Variants in RANBP2 observed in about 807,000 individuals in gnomAD.
RANBP2 encodes the protein E3 SUMO-protein ligase RanBP2.
RANBP2 carries 57 observed loss-of-function variants against 303.6 expected under a neutral mutation model. The ratio of observed to expected loss-of-function variants is 0.19; its 90% CI spans 0.15 to 0.23. The LOEUF (loss-of-function observed/expected upper bound fraction) is 0.23, where lower values mean the gene tolerates loss of function less well. RANBP2 is among the 10% of genes least tolerant of loss of function. The probability of loss-of-function intolerance (pLI) is 1.00; values close to 1 mark genes in which losing one functional copy is unlikely to be tolerated. For missense variants in RANBP2, 3,138 were observed against 3,780.8 expected, an observed-to-expected ratio of 0.83 and a Z score of 4.46; for synonymous variants, 1,167 against 1,301.5, an observed-to-expected ratio of 0.90 and a Z score of 2.23.
At chr2:109,195,031 A>G in the RANBP2 span, among the ~76,000 whole-genome samples, 6 of 152,306 alleles carry the variant, frequency 3.9e-5, no homozygotes, top group African/African-American at 1.4e-4. Context: ...GGAAATGAAA[A>G]TGGAAGGGGA....
rs540387051 is a variant in RANBP2 at position 108,749,235 on chromosome 2, T to G, written c.1273+106T>G. The G allele has an allele frequency of 2.6e-6, 4 of 1,561,442 alleles. No homozygotes were observed. The South Asian group carries it at 3.4e-5, about 13-fold the overall frequency. ...ACTTAATATTTTCCTGTATTCCTTT[T>G]GTGTGTGGGTTGGGCTGGGGGGAGT... On this transcript the variant is annotated intron_variant, in intron 9 of 28. Transcript: ENST00000283195.
At chr2:109,413,167 T>C in the RANBP2 span, among the ~76,000 whole-genome samples, 1 of 152,328 alleles carries the variant, frequency 6.6e-6, no homozygotes, top group Non-Finnish European at 1.5e-5. Context: ...CAGGCTGGAG[T>C]GCAGTGGCGT....
chr2:109,301,611 G>C, the RANBP2 span, among the ~76,000 whole-genome samples: 1 of 152,252 alleles, frequency 6.6e-6, no homozygotes, highest in East Asian at 1.9e-4. Context: ...GCCTCTGTGG[G>C]CTCAGAGCAT....
the RANBP2 span, chr2:109,605,030 C>A: frequency 6.6e-6 from 1 of 152,124 alleles, no homozygotes; most frequent in African/African-American, 2.4e-5. Context: ...CCTTGGATCC[C>A]TCAAAGAACT....
chr2:109,060,788 T>A, the RANBP2 span, among the ~76,000 whole-genome samples: 1 of 152,232 alleles, frequency 6.6e-6, no homozygotes, highest in African/African-American at 2.4e-5. Flanking sequence ...GGTCTTTAAC[T>A]ACCTTCTCAC....
the RANBP2 span, among the ~76,000 whole-genome samples, chr2:109,057,383 A>G: frequency 6.6e-6 from 1 of 152,210 alleles, no homozygotes; most frequent in Non-Finnish European, 1.5e-5. Flanking sequence ...ATTATTTCCA[A>G]TGGGTCTTAG....
chr2:108,934,931 G>A, the RANBP2 span, among the ~76,000 whole-genome samples: 2 of 152,338 alleles, frequency 1.3e-5, no homozygotes, highest in East Asian at 3.9e-4. Context: ...CTTAACTTGT[G>A]GAACTAACCA....
At chr2:109,052,913 C>G in the RANBP2 span, among the ~76,000 whole-genome samples, 5 of 152,262 alleles carry the variant, frequency 3.3e-5, no homozygotes, top group South Asian at 8.3e-4. Flanking sequence ...CCTAGATTCC[C>G]TAAGACATTT....
the RANBP2 span, among the ~76,000 whole-genome samples, chr2:109,456,863 T>C: frequency 6.6e-6 from 1 of 152,208 alleles, no homozygotes; most frequent in African/African-American, 2.4e-5. Context: ...CAGCTTCTCT[T>C]CTGGGGAGAA....
the RANBP2 span, among the ~76,000 whole-genome samples, chr2:109,296,036 T>C: frequency 6.6e-6 from 1 of 152,072 alleles, no homozygotes; most frequent in South Asian, 2.1e-4. Context: ...CTGAAGGTGC[T>C]GTAATGAAGT....
the RANBP2 span, among the ~76,000 whole-genome samples, chr2:109,351,437 G>C: frequency 6.6e-6 from 1 of 152,236 alleles, no homozygotes; most frequent in Non-Finnish European, 1.5e-5. Context: ...TGCAGGAGAA[G>C]AATGTGAACT....
the RANBP2 span, among the ~76,000 whole-genome samples, chr2:109,533,470 ATGT>A: frequency 6.6e-6 from 1 of 152,222 alleles, no homozygotes; most frequent in Admixed American, 6.5e-5. Context: ...TCTGGCAGAA[ATGT>A]TGGTGTGGAA....
chr2:109,606,804 C>T, the RANBP2 span, among the ~76,000 whole-genome samples: 3 of 150,860 alleles, frequency 2.0e-5, no homozygotes, highest in Non-Finnish European at 2.9e-5. Context: ...CTTAGCCTCC[C>T]GAGTAGCTGG....
chr2:109,422,326 C>A, the RANBP2 span, among the ~76,000 whole-genome samples: 1 of 152,186 alleles, frequency 6.6e-6, no homozygotes. Flanking sequence ...CATTCCTGAT[C>A]TTCATGATTG....
chr2:109,474,610 A>G, the RANBP2 span, among the ~76,000 whole-genome samples: 1 of 152,132 alleles, frequency 6.6e-6, no homozygotes, highest in Non-Finnish European at 1.5e-5. Flanking sequence ...AGGTTTGGGC[A>G]GGGGGGGAGA....
the RANBP2 span, among the ~76,000 whole-genome samples, chr2:108,812,396 A>G: frequency 2.6e-5 from 4 of 152,202 alleles, no homozygotes; most frequent in South Asian, 8.3e-4. Flanking sequence ...TATGCTTTTA[A>G]GACATCTGGA....
the RANBP2 span, among the ~76,000 whole-genome samples, chr2:108,905,458 T>C: frequency 6.6e-6 from 1 of 151,886 alleles, no homozygotes; most frequent in Non-Finnish European, 1.5e-5. Context: ...AGTATAGTTA[T>C]TTCTGGCCAA....
At chr2:109,657,119 A>G in the RANBP2 span, among the ~76,000 whole-genome samples, 1 of 152,198 alleles carries the variant, frequency 6.6e-6, no homozygotes, top group Admixed American at 6.5e-5. Context: ...CAACCCTAGT[A>G]TCACCTGAGT....
chr2:109,109,808 T>C, the RANBP2 span, among the ~76,000 whole-genome samples: 1 of 152,206 alleles, frequency 6.6e-6, no homozygotes, highest in Non-Finnish European at 1.5e-5. Context: ...TTCATGAAGA[T>C]AGTAGTCTTG....
Sources: allele counts gnomAD v4.1 joint callset (sites outside exome capture counted in the v4.1 genomes callset), GRCh38; gene constraint gnomAD v4.1.1; transcripts MANE v1.5; gene names NCBI Gene and HGNC (gene_info 2026-07-23, HGNC 2026-07-21).